The following GTPBP10 variants were observed in gnomAD, a reference collection of about 807,000 sequenced individuals.
GTPBP10 encodes GTP binding protein 10, also known as GTP-binding protein 10.
Under a neutral mutation model 44.8 loss-of-function variants are expected in GTPBP10, and 38 were observed. The ratio of observed to expected loss-of-function variants is 0.85; its 90% CI spans 0.65 to 1.11. The LOEUF is 1.11. GTPBP10 is among the 50% of genes most tolerant of loss of function. The pLI is 0.00. For synonymous variants in GTPBP10, 152 were observed against 150.6 expected (o/e 1.01, Z -0.07); for missense variants, 462 against 453.7 (o/e 1.02, Z -0.17).
intron 4 of GTPBP10, among the ~76,000 whole-genome samples, chr7:90,355,550 A>G (rs1274880241): frequency 2.6e-5 from 4 of 152,232 alleles, no homozygotes; most frequent in Admixed American, 2.0e-4. Flanking sequence ...TATTAATAAT[A>G]AATCCAAACA....
In GTPBP10 at chr7:90,389,965, C is replaced by G. The variant is rs532307911; in HGVS notation, c.*4811C>G. On this transcript the variant is annotated 3_prime_UTR_variant, in exon 10 of 10. Coordinates refer to ENST00000222511, the MANE Select transcript of GTPBP10 (RefSeq NM_033107.4). ...ACCATACCTGGCTAATTTTTAAAAA[C>G]TATTTTGTAGAGACAGGGTCTTACT... is the stretch of plus-strand genomic sequence containing the variant. 2.0e-5 allele frequency: 3 copies of G among 152,046 alleles called. No homozygotes were observed. The highest frequency in any genetic ancestry group is 4.4e-5 in the Non-Finnish European group (3 of 68,044). The allele number at this position is 152,046 out of a possible 1,614,324, so 9.4% of individuals were successfully genotyped here.
intron 5 of GTPBP10, among the ~76,000 whole-genome samples, chr7:90,373,282 C>T (rs1407527654): frequency 6.6e-6 from 1 of 152,162 alleles, no homozygotes; most frequent in Non-Finnish European, 1.5e-5. Flanking sequence ...TAGGTTTGCT[C>T]CTCACAGAGA....
intron 4 of GTPBP10, among the ~76,000 whole-genome samples, chr7:90,355,845 T>C (rs912371393): frequency 6.6e-6 from 1 of 152,192 alleles, no homozygotes; most frequent in Non-Finnish European, 1.5e-5. Context: ...TAAATAATGC[T>C]GTTTAGCTGT....
At chr7:90,383,115 A>G in intron 9 of GTPBP10, 36 bp downstream of exon 9, 1 of 1,437,458 alleles carries the variant, frequency 7.0e-7, no homozygotes, top group Non-Finnish European at 9.4e-7. Context: ...TAATTTAAAG[A>G]ATAATTACAA....
At chr7:90,352,777 C>A in intron 1 of GTPBP10, 39 bp from the exon 2 acceptor site, 1 of 1,489,492 alleles carries the variant, frequency 6.7e-7, no homozygotes, top group Non-Finnish European at 9.1e-7. Flanking sequence ...AGGTGATACA[C>A]TTTTGGTATA....
At chr7:90,355,498 A>G (rs1378772236) in intron 4 of GTPBP10, among the ~76,000 whole-genome samples, 1 of 152,194 alleles carries the variant, frequency 6.6e-6, no homozygotes, top group East Asian at 1.9e-4. Context: ...AGAAAAATCA[A>G]TCAAATGCAA....
At chr7:90,368,662 C>A (rs1198303417) in intron 4 of GTPBP10, among the ~76,000 whole-genome samples, 3 of 152,182 alleles carry the variant, frequency 2.0e-5, no homozygotes, top group Non-Finnish European at 4.4e-5. Context: ...AAGGACTTCT[C>A]TACACTGTTT....
In GTPBP10 at chr7:90,346,768, C is replaced by A; in HGVS notation, c.27C>A (p.Phe9Leu). ...TGGTGCATTGCAGTTGCGTGTTGTTCAGAAAGGTCCGTGCGGGTCCCCTCA... is the reference window on the plus strand; with the variant it reads ...TGGTGCATTGCAGTTGCGTGTTGTTAAGAAAGGTCCGTGCGGGTCCCCTCA... MVHCSCVLFRKYGNFIDKL... is the reference protein window; with the variant it reads MVHCSCVLLRKYGNFIDKL... The change falls in exon 1 of 10, where the codon TTC (phenylalanine) becomes TTA (leucine). Residue 9 changes from phenylalanine to leucine, a missense_variant. Transcript: ENST00000222511. 1 of 1,614,206 alleles carries A rather than the reference C, an allele frequency of 6.2e-7. No individual in the cohort carries two copies. Among genetic ancestry groups the A allele is most frequent in the South Asian group, 1.1e-5 (1 of 91,070 alleles).
chr7:90,369,521 T>C (rs1261200772), intron 4 of GTPBP10, among the ~76,000 whole-genome samples: 1 of 152,152 alleles, frequency 6.6e-6, no homozygotes, highest in Admixed American at 6.6e-5. Context: ...GCCTCAGCAA[T>C]TGCGGATACC....
chr7:90,381,250 A>C (rs1429508015), intron 8 of GTPBP10, among the ~76,000 whole-genome samples: 42 of 152,310 alleles, frequency 2.8e-4, no homozygotes, highest in Admixed American at 2.6e-3. Context: ...ATTCCCACTC[A>C]ACGGTGTTCA....
intron 8 of GTPBP10, among the ~76,000 whole-genome samples, chr7:90,381,375 C>G (rs1362337793): frequency 6.6e-6 from 1 of 152,058 alleles, no homozygotes; most frequent in Non-Finnish European, 1.5e-5. Context: ...TTTCATTTCC[C>G]TAATGATCAG....
At chr7:90,372,508 G>A (rs1172599581) in intron 5 of GTPBP10, among the ~76,000 whole-genome samples, 7 of 72,146 alleles carry the variant, frequency 9.7e-5, no homozygotes, top group African/African-American at 4.9e-4. Flanking sequence ...GTGGGGACAG[G>A]GGTTTCGCCA....
chr7:90,352,544 A>G (rs1795810152), intron 1 of GTPBP10, among the ~76,000 whole-genome samples: 1 of 152,234 alleles, frequency 6.6e-6, no homozygotes, highest in South Asian at 2.1e-4. Flanking sequence ...GAAAGTCTAG[A>G]ATGAAAACAG....
chr7:90,354,940 G>A, intron 3 of GTPBP10, 146 bp from the exon 4 acceptor site: 1 of 480,014 alleles, frequency 2.1e-6, no homozygotes, highest in East Asian at 3.4e-5. Context: ...ATTTTTGAAA[G>A]TAAAATATTA....
intron 4 of GTPBP10, among the ~76,000 whole-genome samples, chr7:90,367,335 T>C (rs1796154701): frequency 6.6e-6 from 1 of 152,244 alleles, no homozygotes; most frequent in African/African-American, 2.4e-5. Flanking sequence ...GTCCTTGATA[T>C]CCTTGTTAAC....
chr7:90,376,457 C>T (rs1796346269), intron 6 of GTPBP10, among the ~76,000 whole-genome samples: 1 of 152,090 alleles, frequency 6.6e-6, no homozygotes, highest in Non-Finnish European at 1.5e-5. Flanking sequence ...TGAATACTGG[C>T]ACAAAATGAG....
Position 90,385,305 on chromosome 7 carries a change from G to C in GTPBP10, c.*151G>C, listed in dbSNP as rs1286840482. 1 of 577,764 alleles carries C rather than the reference G, an allele frequency of 1.7e-6. No individual in the cohort carries two copies. The highest frequency in any genetic ancestry group is 1.9e-5 in the African/African-American group (1 of 52,958). 35.8% of individuals were successfully genotyped at this position (577,764 alleles called of 1,614,324 possible). A position where few individuals can be genotyped will look rare whatever the true frequency, so the allele number is the denominator to read the frequency against. ...TAATCTCACTGTGGAATCTTAAGTT[G>C]AACTCATAGAAGGAGAGAATAGAAT... On this transcript the variant is annotated 3_prime_UTR_variant, in exon 10 of 10. Transcript: ENST00000222511.
At chr7:90,367,102 C>T (rs147878751) in intron 4 of GTPBP10, among the ~76,000 whole-genome samples, 1,989 of 152,124 alleles carry the variant, frequency 0.013, 35 homozygotes, top group African/African-American at 0.045. Context: ...TGGTTTTGAG[C>T]GAGTTTCTTA....
At chr7:90,360,001 G>C (rs1033762763) in intron 4 of GTPBP10, among the ~76,000 whole-genome samples, 5 of 152,002 alleles carry the variant, frequency 3.3e-5, no homozygotes, top group African/African-American at 1.2e-4. Context: ...TTTTTTTCTT[G>C]TAAATTTGCT....
Sources: gnomAD v4.1 joint callset for allele counts (sites outside exome capture counted in the v4.1 genomes callset) on GRCh38, gnomAD v4.1.1 for gene constraint, MANE v1.5 for transcripts, NCBI Gene and HGNC (gene_info 2026-07-23, HGNC 2026-07-21) for gene names.